The following DNHD1 variants were observed in gnomAD, a reference collection of about 807,000 sequenced individuals.
DNHD1 encodes dynein heavy chain domain-containing protein 1.
In DNHD1, 383 loss-of-function variants were observed where a neutral mutation model predicts 458.1. That is an observed-to-expected ratio of 0.84 (90% CI 0.77 to 0.91). The LOEUF is 0.91. DNHD1 is among the 40% of genes least tolerant of loss of function. The pLI is 0.00. For missense variants in DNHD1, 5,336 were observed against 5,866.1 expected (o/e 0.91, Z 2.95); for synonymous variants, 2,203 against 2,376.9 (o/e 0.93, Z 2.13).
At position 6,548,520 on chromosome 11, in the gene DNHD1, A is replaced by G. The variant is rs976389391; in HGVS notation, c.7098+118A>G. The G allele has an allele frequency of 2.6e-5, 38 of 1,454,186 alleles. No homozygotes were observed. The highest frequency in any genetic ancestry group is 1.7e-4 in the South Asian group (13 of 77,558). 90.1% of individuals were successfully genotyped at this position (1,454,186 alleles called of 1,614,324 possible). The stretch of plus-strand genomic sequence containing the variant: ...TCCCTTTCTTTGATATATTTTCACA[A>G]TCACAAGAATACATGAAATATTTTC... On this transcript the variant is annotated intron_variant, in intron 23 of 42. Coordinates refer to ENST00000254579, the MANE Select transcript of DNHD1 (RefSeq NM_144666.3). The surrounding 1 kb of genome is among the most constrained non-coding windows in gnomAD (Gnocchi z 4.4).
At chr11:6,553,155 A>C (rs890864018) in intron 24 of DNHD1, among the ~76,000 whole-genome samples, 1 of 152,246 alleles carries the variant, frequency 6.6e-6, no homozygotes, top group Non-Finnish European at 1.5e-5. Flanking sequence ...AAAAAGAATA[A>C]TATCTTAAGA....
chr11:6,531,097 G>C (rs543574844), intron 12 of DNHD1, among the ~76,000 whole-genome samples: 2 of 152,290 alleles, frequency 1.3e-5, no homozygotes, highest in East Asian at 3.9e-4. Context: ...CATTGAGTGT[G>C]GCATGCAGTA....
chr11:6,567,013 A>C lies in DNHD1; in HGVS notation c.11504A>C (p.Glu3835Ala), dbSNP rs1853717519. ...TGCCAGCTGCGTGCTCATTGTGAAG[A>C]GTTAGAAGGGCAGAAACTACAGGAG... ...KLCQLRAHCE[E>A]LEGQKLQEMV... The change falls in exon 36 of 43, where the codon GAG becomes GCG. Residue 3835 changes from glutamate to alanine, a missense_variant. By Grantham distance (107) the Glu-to-Ala change is moderately radical. Transcript: ENST00000254579. 1.9e-6 allele frequency: 3 copies of C among 1,613,850 alleles called. No homozygotes were observed. The highest frequency in any genetic ancestry group is 2.5e-6 in the Non-Finnish European group (3 of 1,179,892).
intron 12 of DNHD1, among the ~76,000 whole-genome samples, chr11:6,529,395 C>G (rs1852780925): frequency 6.6e-6 from 1 of 152,158 alleles, no homozygotes; most frequent in African/African-American, 2.4e-5. Flanking sequence ...AGTGTCTTTA[C>G]AGAGATTCTT....
At position 6,547,586 on chromosome 11, in the gene DNHD1, A is replaced by G; in HGVS notation, c.6647A>G (p.Glu2216Gly). 1 of 1,549,088 alleles carries G rather than the reference A, an allele frequency of 6.5e-7. No individual in the cohort carries two copies. The highest frequency in any genetic ancestry group is 8.7e-7 in the Non-Finnish European group (1 of 1,144,860). ...CAGGCTGTTTGTGCAGGTGTGGCAG[A>G]AGTTACCAGCATGGCACGCATCTTG... The part of the protein sequence containing the change: ...GQQAVCAGVA[E>G]VTSMARILHS... Residue 2216 changes from glutamate to glycine, a missense_variant, in exon 21 of 43, where the codon GAA (glutamate) becomes GGA (glycine). Physicochemically the swap from Glu to Gly is moderately conservative, Grantham distance 98 (BLOSUM62 -2). This residue lies in a region of DNHD1 where 3,932 missense variants were observed against 4,365.6 expected (regional missense o/e 0.90). Transcript: ENST00000254579.
intron 24 of DNHD1, 51 bp from the exon 25 acceptor site, chr11:6,556,632 C>T (rs1853464711): frequency 3.4e-6 from 5 of 1,468,626 alleles, no homozygotes; most frequent in Non-Finnish European, 4.6e-6. Context: ...CAGGTTGATA[C>T]TCTCATGTGG....
intron 3 of DNHD1, 57 bp downstream of exon 3, chr11:6,499,018 G>T: frequency 6.6e-7 from 1 of 1,513,474 alleles, no homozygotes. Context: ...GCTGTTTTAT[G>T]GGTGCCTCTG....
intron 3 of DNHD1, among the ~76,000 whole-genome samples, chr11:6,499,244 C>A (rs1852090813): frequency 6.6e-6 from 1 of 152,204 alleles, no homozygotes. Context: ...CTTGACTTTT[C>A]AGTTTCCAGG....
rs1311036897 is a variant in DNHD1 at position 6,533,192 on chromosome 11, C to T, written c.2505+8C>T. On this transcript the variant is annotated splice_region_variant and intron_variant, in intron 13 of 42. Transcript: ENST00000254579. ...GCACAGTGCACCCAGAAGGTGGGCT[C>T]TCCCCATCCATCCTTCCCAGTTTAT... 1 of 1,550,808 alleles carries T rather than the reference C, an allele frequency of 6.4e-7. No individual in the cohort carries two copies. The highest frequency in any genetic ancestry group is 1.2e-5 in the South Asian group (1 of 83,978).
chr11:6,544,796 CT>C lies in DNHD1; in HGVS notation c.3858del (p.Arg1287ValfsTer12). 6.4e-7 allele frequency: 1 copy of C among 1,550,410 alleles called. No individual in the cohort carries two copies. Among genetic ancestry groups the C allele is most frequent in the Non-Finnish European group, 8.7e-7 (1 of 1,145,870 alleles). ...TTATCCTCTCCCTCACCACAGAACT[CT>C]CGTTTCAAGGTCATGGATGACCAGT... The part of the protein sequence containing the change: ...KIQFPNADLN[S>X]RFKVMDDQYR... On this transcript the variant is annotated frameshift_variant, in exon 21 of 43. Transcript: ENST00000254579.
At chr11:6,523,185 T>C (rs1475358517) in intron 10 of DNHD1, among the ~76,000 whole-genome samples, 1 of 152,210 alleles carries the variant, frequency 6.6e-6, no homozygotes, top group African/African-American at 2.4e-5. Context: ...GATTGCCTAA[T>C]TTTAATTATA....
chr11:6,502,227 A>G (rs1852151784), intron 3 of DNHD1, among the ~76,000 whole-genome samples: 1 of 152,174 alleles, frequency 6.6e-6, no homozygotes, highest in Admixed American at 6.5e-5. Flanking sequence ...GAAAGGAAAG[A>G]ATATGAAGCT....
At chr11:6,569,910 C>G in intron 39 of DNHD1, 99 bp from the exon 40 acceptor site, 1 of 988,328 alleles carries the variant, frequency 1.0e-6, no homozygotes, top group Non-Finnish European at 1.5e-6. Flanking sequence ...TGGCAATGAA[C>G]CCGAAGCTCA....
In DNHD1 at chr11:6,519,791, T is replaced by C; in HGVS notation, c.1584T>C (p.Ile528=). ...TTGCCCGCCTGGTTGACTACATGAT[T>C]TGTCAGAGCCTCATTTCTGTCTTGG... ...GKFARLVDYM[I]CQSLISVLEE... Residue 528 remains isoleucine, a synonymous_variant, in exon 8 of 43, where the codon ATT becomes ATC. Transcript: ENST00000254579. The C allele has an allele frequency of 1.2e-6, 2 of 1,613,656 alleles. No individual in the cohort carries two copies. Among genetic ancestry groups the C allele is most frequent in the South Asian group, 2.2e-5 (2 of 91,074 alleles).
chr11:6,567,208 G>C lies in DNHD1; in HGVS notation c.11699G>C (p.Gly3900Ala), dbSNP rs1853724951. 1 of 1,613,878 alleles carries C rather than the reference G, an allele frequency of 6.2e-7. No homozygotes were observed. Among genetic ancestry groups the C allele is most frequent in the Non-Finnish European group, 8.5e-7 (1 of 1,179,912 alleles). Residue 3900 changes from glycine to alanine, a missense_variant, in exon 36 of 43, where the codon GGG (glycine) becomes GCG (alanine). Physicochemically the swap from Gly to Ala is moderately conservative, Grantham distance 60. Around this residue, in one of 4 missense-constraint regions of DNHD1, gnomAD observed 695 missense variants for 804.2 expected, o/e 0.86. Transcript: ENST00000254579. The part of the protein sequence containing the change: ...DSMKPREINH[G>A]EDLASHLLQL... ...ATGAAGCCACGTGAGATTAATCACG[G>C]GGAGGACCTGGCCAGCCATCTACTG...
Position 6,570,025 on chromosome 11 carries a change from A to G in DNHD1, c.12880A>G (p.Thr4294Ala). ...HRGRWSQVTL[T>A]QVLQTQDQLW... ...CTTCTCTAGGAGTCAAGTGACTCTA[A>G]CCCAGGTTCTTCAGACCCAAGACCA... is the stretch of plus-strand genomic sequence containing the variant. Residue 4294 changes from threonine to alanine, a missense_variant, in exon 40 of 43, where the codon ACC becomes GCC. Thr to Ala is a moderately conservative substitution (Grantham distance 58). Around this residue, in one of 4 missense-constraint regions of DNHD1, gnomAD observed 698 missense variants for 664.9 expected, o/e 1.05. Coordinates refer to ENST00000254579, the MANE Select transcript of DNHD1 (RefSeq NM_144666.3). 2 of 1,613,918 alleles carry G rather than the reference A, an allele frequency of 1.2e-6. No homozygotes were observed. Among genetic ancestry groups the G allele is most frequent in the Non-Finnish European group, 1.7e-6 (2 of 1,179,828 alleles).
chr11:6,539,163 G>T, intron 16 of DNHD1, 56 bp from the exon 17 acceptor site: 2 of 1,225,060 alleles, frequency 1.6e-6, no homozygotes, highest in Non-Finnish European at 1.2e-6. Flanking sequence ...TATGGGATAT[G>T]GGTTGGACTC....
chr11:6,526,031 C>T (rs1401062779), intron 10 of DNHD1, among the ~76,000 whole-genome samples: 1 of 108,896 alleles, frequency 9.2e-6, no homozygotes, highest in Admixed American at 9.0e-5. Flanking sequence ...TGTTCTCTTC[C>T]CTTGCTTTGT....
Position 6,508,871 on chromosome 11 carries a change from T to C in DNHD1, c.921-9T>C. On this transcript the variant is annotated splice_polypyrimidine_tract_variant and intron_variant, in intron 4 of 42. Coordinates refer to ENST00000254579, the MANE Select transcript of DNHD1 (RefSeq NM_144666.3). The stretch of plus-strand genomic sequence containing the variant: ...AGGGCCTTCACTGATCAGAGCTCTT[T>C]TTTTAAAGGCCTTACAGCCTGATGG... The C allele has an allele frequency of 6.2e-7, 1 of 1,613,892 alleles. No individual in the cohort carries two copies. The highest frequency in any genetic ancestry group is 8.5e-7 in the Non-Finnish European group (1 of 1,180,004).
Sources: allele counts gnomAD v4.1 joint callset (sites outside exome capture counted in the v4.1 genomes callset), GRCh38; gene constraint gnomAD v4.1.1; regional missense constraint gnomAD v4.1.1; non-coding constraint Gnocchi (gnomAD v3.1); transcripts MANE v1.5; gene names NCBI Gene and HGNC (gene_info 2026-07-23, HGNC 2026-07-21).